The following TMEM231 variants were observed in gnomAD, a reference collection of about 807,000 sequenced individuals.
TMEM231 encodes transmembrane protein 231.
A neutral mutation model predicts 38.5 loss-of-function variants in TMEM231; 40 were observed. The ratio of observed to expected loss-of-function variants is 1.04; its 90% CI spans 0.81 to 1.35. The LOEUF (loss-of-function observed/expected upper bound fraction) is 1.35, where lower values mean the gene tolerates loss of function less well. TMEM231 is among the 40% of genes most tolerant of loss of function. TMEM231 has a pLI of 0.00. For missense variants in TMEM231, 420 were observed against 416.9 expected (o/e 1.01, Z -0.07); for synonymous variants, 199 against 181.7 (o/e 1.10, Z -0.77).
chr16:75,550,317 G>A (rs1213986805), intron 2 of TMEM231, among the ~76,000 whole-genome samples: 2 of 152,214 alleles, frequency 1.3e-5, no homozygotes, highest in Admixed American at 1.3e-4. Flanking sequence ...GCTCCTTCCT[G>A]TTTGCTGGTT....
At chr16:75,551,266 C>T (rs1045439173) in intron 2 of TMEM231, among the ~76,000 whole-genome samples, 30 of 152,180 alleles carry the variant, frequency 2.0e-4, no homozygotes, top group Non-Finnish European at 2.1e-4. Flanking sequence ...GGCACGATCA[C>T]AGCTCATTGC....
At chr16:75,541,323 A>T (rs766954527) in intron 6 of TMEM231, 27 bp downstream of exon 6, 1 of 1,554,884 alleles carries the variant, frequency 6.4e-7, no homozygotes, top group African/African-American at 1.4e-5. Context: ...TCCAGCCTTA[A>T]CATGGACTCT....
intron 3 of TMEM231, 64 bp from the exon 4 acceptor site, chr16:75,545,559 A>C: frequency 8.0e-7 from 1 of 1,244,528 alleles, no homozygotes; most frequent in Non-Finnish European, 1.1e-6. Flanking sequence ...CTGGGTGCTA[A>C]GAGTCACCTG....
intron 2 of TMEM231, among the ~76,000 whole-genome samples, chr16:75,548,817 C>T (rs963844227): frequency 2.0e-5 from 3 of 152,138 alleles, no homozygotes; most frequent in African/African-American, 4.8e-5. Context: ...TGCAGTGAGC[C>T]GAGATCGTGC....
Position 75,539,705 on chromosome 16 carries a change from T to G in TMEM231, c.*289A>C. The stretch of plus-strand genomic sequence containing the variant: ...CTCTTTCCAAGATGTCTGAACTGAC[T>G]GCAATTTTCTCCTGAAATTCAACGC... On this transcript the variant is annotated 3_prime_UTR_variant, in exon 7 of 7. Coordinates refer to ENST00000258173, the MANE Select transcript of TMEM231 (RefSeq NM_001077418.3). The G allele has an allele frequency of 3.5e-6, 1 of 283,456 alleles. No homozygotes were observed. Among genetic ancestry groups the G allele is most frequent in the East Asian group, 7.0e-5 (1 of 14,210 alleles). The allele number at this position is 283,456 out of a possible 1,614,324, so 17.6% of individuals were successfully genotyped here. A position where few individuals can be genotyped will look rare whatever the true frequency, so the allele number is the denominator to read the frequency against.
Position 75,537,816 on chromosome 16 carries a change from CTG to C in TMEM231, c.*2176_*2177del, listed in dbSNP as rs2080576033. 1 of 152,168 alleles carries C rather than the reference CTG, an allele frequency of 6.6e-6. No individual in the cohort carries two copies. The highest frequency in any genetic ancestry group is 2.4e-5 in the African/African-American group (1 of 41,458). 9.4% of individuals were successfully genotyped at this position (152,168 alleles called of 1,614,324 possible). On this transcript the variant is annotated 3_prime_UTR_variant, in exon 7 of 7. Coordinates refer to ENST00000258173, the MANE Select transcript of TMEM231 (RefSeq NM_001077418.3). ...TTTTTATTTACCTCTTGCAGCTATG[CTG>C]TGATTCAGAGTCAGAAACTATCAAC... is the stretch of plus-strand genomic sequence containing the variant.
At chr16:75,544,261 G>A (rs887239100) in intron 4 of TMEM231, among the ~76,000 whole-genome samples, 1 of 152,192 alleles carries the variant, frequency 6.6e-6, no homozygotes, top group Non-Finnish European at 1.5e-5. Context: ...TAGGCCAGGC[G>A]GCAGGAGGGA....
intron 5 of TMEM231, among the ~76,000 whole-genome samples, chr16:75,542,272 TATAGGTGTGG>T (rs11277312): frequency 0.32 from 48,730 of 150,460 alleles, 9,184 homozygotes; most frequent in African/African-American, 0.52. Flanking sequence ...TGGCATCTGT[TATAGGTGTGG>T]ATAGGTGTGG....
intron 3 of TMEM231, 101 bp downstream of exon 3, chr16:75,545,725 G>A: frequency 1.7e-6 from 1 of 600,544 alleles, no homozygotes; most frequent in South Asian, 2.2e-5. Flanking sequence ...ACATGGGGAA[G>A]AGGGCCCGCT....
At position 75,541,330 on chromosome 16, in the gene TMEM231, C is replaced by T. The variant is rs2080625721; in HGVS notation, c.770+20G>A. The T allele has an allele frequency of 3.8e-6, 6 of 1,572,876 alleles. No homozygotes were observed. The highest frequency in any genetic ancestry group is 5.2e-6 in the Non-Finnish European group (6 of 1,150,354). On this transcript the variant is annotated intron_variant, in intron 6 of 6. Coordinates refer to ENST00000258173, the MANE Select transcript of TMEM231 (RefSeq NM_001077418.3). Reference sequence around the variant, plus strand: ...CCACCACATCCAGCCTTAACATGGACTCTTTAACAGAAAGGATATGAAATG... The same window carrying T: ...CCACCACATCCAGCCTTAACATGGATTCTTTAACAGAAAGGATATGAAATG...
chr16:75,546,052 G>A, intron 2 of TMEM231, 98 bp from the exon 3 acceptor site: 13 of 1,554,302 alleles, frequency 8.4e-6, no homozygotes, highest in Non-Finnish European at 1.1e-5. Context: ...CTGTCTTGCT[G>A]TACACAACAG....
chr16:75,541,048 C>CT (rs1159610761), intron 6 of TMEM231, among the ~76,000 whole-genome samples: 1 of 152,188 alleles, frequency 6.6e-6, no homozygotes, highest in African/African-American at 2.4e-5. Flanking sequence ...GGGTCTCACT[C>CT]TGTCACCGAG....
chr16:75,543,036 T>A (rs1376295169), intron 4 of TMEM231, among the ~76,000 whole-genome samples: 2 of 152,226 alleles, frequency 1.3e-5, no homozygotes, highest in Non-Finnish European at 2.9e-5. Context: ...AAGCTATTTT[T>A]AAAATACCCC....
intron 4 of TMEM231, among the ~76,000 whole-genome samples, chr16:75,543,964 A>G (rs914388368): frequency 6.6e-6 from 1 of 152,226 alleles, no homozygotes; most frequent in Non-Finnish European, 1.5e-5. Context: ...CTCAACTTCT[A>G]TGGTCCCCAT....
At chr16:75,540,237 G>T (rs1420082709) in intron 6 of TMEM231, 63 bp from the exon 7 acceptor site, 9 of 1,501,196 alleles carry the variant, frequency 6.0e-6, no homozygotes, top group Non-Finnish European at 8.1e-6. Context: ...ATCCAAGATG[G>T]AATTGGCTGT....
At chr16:75,547,410 C>G (rs1032271272) in intron 2 of TMEM231, among the ~76,000 whole-genome samples, 1 of 152,168 alleles carries the variant, frequency 6.6e-6, no homozygotes, top group Admixed American at 6.6e-5. Flanking sequence ...TTTAGAGAAA[C>G]CTCCCTCCCT....
chr16:75,551,214 C>T (rs1041767888), intron 2 of TMEM231, among the ~76,000 whole-genome samples: 2 of 151,794 alleles, frequency 1.3e-5, no homozygotes, highest in Admixed American at 6.6e-5. Flanking sequence ...TTTTCTATTT[C>T]TTTTTTTCTT....
At chr16:75,555,061 A>C (rs1010507795) in intron 2 of TMEM231, 3 of 152,240 alleles carry the variant, frequency 2.0e-5, no homozygotes, top group Non-Finnish European at 4.4e-5. Context: ...GAAAACCAGA[A>C]GTTTCATACT....
chr16:75,542,581 T>G, intron 5 of TMEM231, 21 bp downstream of exon 5: 1 of 1,610,122 alleles, frequency 6.2e-7, no homozygotes, highest in Middle Eastern at 1.7e-4. Context: ...AGCGGCTGAA[T>G]GGGCTCTACC....
Sources: gnomAD v4.1 joint callset for allele counts (sites outside exome capture counted in the v4.1 genomes callset) on GRCh38, gnomAD v4.1.1 for gene constraint, MANE v1.5 for transcripts, NCBI Gene and HGNC (gene_info 2026-07-23, HGNC 2026-07-21) for gene names.